The following PCYOX1 variants were observed in gnomAD, a reference collection of about 807,000 sequenced individuals.
PCYOX1 encodes prenylcysteine lyase.
In PCYOX1, 46 loss-of-function variants were observed where a neutral mutation model predicts 46.4. The ratio of observed to expected loss-of-function variants is 0.99; its 90% CI spans 0.78 to 1.27. PCYOX1 has a LOEUF of 1.27. Ranked by LOEUF, PCYOX1 falls within the 50% of genes most tolerant of loss-of-function variation. PCYOX1 has a pLI of 0.00. For missense variants in PCYOX1, 658 were observed against 628.3 expected, an observed-to-expected ratio of 1.05 and a Z score of -0.51; for synonymous variants, 220 against 231.8, an observed-to-expected ratio of 0.95 and a Z score of 0.46.
intron 1 of PCYOX1, 142 bp downstream of exon 1, chr2:70,258,418 C>T (rs926042232): frequency 7.7e-6 from 4 of 518,136 alleles, no homozygotes; most frequent in Non-Finnish European, 1.3e-5. Context: ...CGCTTTCCCC[C>T]ATTCACACTT....
Position 70,280,297 on chromosome 2 carries a change from T to C in PCYOX1, c.*2905T>C, listed in dbSNP as rs1696753700. On this transcript the variant is annotated 3_prime_UTR_variant, in exon 6 of 6. Transcript: ENST00000433351. ...TGCTACTCTGGGCGCATTAGGTAGT[T>C]TTATGCAACTATAGTATTAAGAGTT... The C allele has an allele frequency of 6.6e-6, 1 of 152,116 alleles. No homozygotes were observed. Among genetic ancestry groups the C allele is most frequent in the Non-Finnish European group, 1.5e-5 (1 of 68,002 alleles). 9.4% of individuals were successfully genotyped at this position (152,116 alleles called of 1,614,324 possible). A position where few individuals can be genotyped will look rare whatever the true frequency, so the allele number is the denominator to read the frequency against.
At chr2:70,269,751 G>T (rs1696576019) in intron 3 of PCYOX1, among the ~76,000 whole-genome samples, 1 of 152,092 alleles carries the variant, frequency 6.6e-6, no homozygotes, top group Admixed American at 6.6e-5. Context: ...GTGGACACGT[G>T]CCCTCAGGAT....
In PCYOX1 at chr2:70,277,394, GT is replaced by G. The variant is rs1167184574; in HGVS notation, c.*3del. 6.3e-7 allele frequency: 1 copy of G among 1,580,306 alleles called. No individual in the cohort carries two copies. The highest frequency in any genetic ancestry group is 1.7e-5 in the Admixed American group (1 of 57,154). The stretch of plus-strand genomic sequence containing the variant: ...GAGAAACTTAAAACTGAACTATGAA[GT>G]GACACACTCCTTTTTCCCCTCCTAG... On this transcript the variant is annotated 3_prime_UTR_variant, in exon 6 of 6. Transcript: ENST00000433351.
intron 1 of PCYOX1, 31 bp downstream of exon 1, chr2:70,258,307 G>T: frequency 3.5e-6 from 5 of 1,414,608 alleles, no homozygotes; most frequent in Non-Finnish European, 4.7e-6. Flanking sequence ...GCGGGAAGGT[G>T]CTGGAGCGCG....
chr2:70,259,280 T>C, intron 1 of PCYOX1, 80 bp from the exon 2 acceptor site: 11 of 1,273,412 alleles, frequency 8.6e-6, no homozygotes, highest in South Asian at 8.6e-5. Flanking sequence ...ACCTCTGCTA[T>C]TGATGGTCTT....
rs1696719211 is a variant in PCYOX1, at chr2:70,278,632, A to G, written c.*1240A>G. The G allele has an allele frequency of 6.6e-6, 1 of 152,212 alleles. No individual in the cohort carries two copies. Among genetic ancestry groups the G allele is most frequent in the Non-Finnish European group, 1.5e-5 (1 of 68,040 alleles). 9.4% of individuals were successfully genotyped at this position (152,212 alleles called of 1,614,324 possible). ...AGTTAAGTGTTTCATTTACTGTAGC[A>G]TTCTGGGTGAGAAATTGGTTGCTGA... On this transcript the variant is annotated 3_prime_UTR_variant, in exon 6 of 6. Coordinates refer to ENST00000433351, the MANE Select transcript of PCYOX1 (RefSeq NM_016297.4).
chr2:70,266,365 C>T (rs1696523543), intron 3 of PCYOX1, among the ~76,000 whole-genome samples: 1 of 152,076 alleles, frequency 6.6e-6, no homozygotes, highest in Non-Finnish European at 1.5e-5. Context: ...AGTCTTCCCT[C>T]AGAGCTTCTA....
At chr2:70,274,069 C>T (rs190209983) in intron 3 of PCYOX1, among the ~76,000 whole-genome samples, 10 of 152,228 alleles carry the variant, frequency 6.6e-5, no homozygotes, top group African/African-American at 2.2e-4. Context: ...ATTTAGAGAC[C>T]AGTGAATGGG....
chr2:70,272,506 CCTGT>C (rs1415498067), intron 3 of PCYOX1, among the ~76,000 whole-genome samples: 2 of 151,956 alleles, frequency 1.3e-5, no homozygotes, highest in Non-Finnish European at 2.9e-5. Flanking sequence ...AAGGTATCCT[CCTGT>C]CTTACTCTGT....
intron 3 of PCYOX1, among the ~76,000 whole-genome samples, chr2:70,269,971 A>G (rs142430266): frequency 7.2e-4 from 108 of 150,132 alleles, no homozygotes; most frequent in African/African-American, 2.5e-3. Flanking sequence ...TTTATTTTTT[A>G]TTTTTTTTTC....
chr2:70,273,015 C>A (rs564332847), intron 3 of PCYOX1, among the ~76,000 whole-genome samples: 1 of 152,024 alleles, frequency 6.6e-6, no homozygotes, highest in African/African-American at 2.4e-5. Context: ...TATTCTAATA[C>A]GATTAGTTGT....
chr2:70,257,972 G>C (rs557423634), upstream of PCYOX1: 3 of 453,998 alleles, frequency 6.6e-6, no homozygotes, highest in South Asian at 6.8e-5. Context: ...TTAGGGCACT[G>C]AGTGGCCCAG....
intron 2 of PCYOX1, among the ~76,000 whole-genome samples, chr2:70,259,942 A>T (rs1696413342): frequency 6.6e-6 from 1 of 151,928 alleles, no homozygotes; most frequent in Non-Finnish European, 1.5e-5. Flanking sequence ...TAGCCTCCTG[A>T]GTAGCTGGGA....
At chr2:70,274,446 T>C (rs1422495158) in intron 3 of PCYOX1, among the ~76,000 whole-genome samples, 1 of 152,018 alleles carries the variant, frequency 6.6e-6, no homozygotes, top group Non-Finnish European at 1.5e-5. Context: ...TCTGCCTGCC[T>C]TGGCCTTCCA....
At chr2:70,265,651 G>A (rs1367616088) in intron 3 of PCYOX1, among the ~76,000 whole-genome samples, 1 of 152,198 alleles carries the variant, frequency 6.6e-6, no homozygotes, top group Non-Finnish European at 1.5e-5. Context: ...TAACTAGAAT[G>A]TAGTAGATGT....
At chr2:70,269,632 C>T (rs944838217) in intron 3 of PCYOX1, among the ~76,000 whole-genome samples, 5 of 151,758 alleles carry the variant, frequency 3.3e-5, no homozygotes, top group Non-Finnish European at 5.9e-5. Flanking sequence ...CCACTGCACC[C>T]GGCCTTTTTT....
At chr2:70,273,755 A>C (rs1418532134) in intron 3 of PCYOX1, among the ~76,000 whole-genome samples, 1 of 152,224 alleles carries the variant, frequency 6.6e-6, no homozygotes, top group Non-Finnish European at 1.5e-5. Flanking sequence ...ATTTATGTGA[A>C]TGTTGTTTTA....
Position 70,261,343 on chromosome 2 carries a change from C to G in PCYOX1, c.451C>G (p.Arg151Gly), listed in dbSNP as rs766871288. The G allele has an allele frequency of 6.2e-7, 1 of 1,612,900 alleles. No individual in the cohort carries two copies. Among genetic ancestry groups the G allele is most frequent in the East Asian group, 2.2e-5 (1 of 44,876 alleles). ...TTGGCGCTATGGATTTCAATCCCTC[C>G]GTATGCACATGTGGGTAGAGGACGT... Reference protein sequence around the residue: ...LVWRYGFQSLRMHMWVEDVLD... With the variant: ...LVWRYGFQSLGMHMWVEDVLD... Residue 151 changes from arginine to glycine, a missense_variant, in exon 3 of 6, where the codon CGT (arginine) becomes GGT (glycine). Transcript: ENST00000433351.
Position 70,277,069 on chromosome 2 carries a change from A to G in PCYOX1, c.1195A>G (p.Thr399Ala), listed in dbSNP as rs762046573. 2 of 1,612,876 alleles carry G rather than the reference A, an allele frequency of 1.2e-6. No individual in the cohort carries two copies. Among genetic ancestry groups the G allele is most frequent in the South Asian group, 2.2e-5 (2 of 91,068 alleles). ...VREKEDPEPS[T>A]DGTYVWKIFS... ...AGAAAAGGAAGATCCTGAGCCATCA[A>G]CAGATGGAACATATGTTTGGAAGAT... The change falls in exon 6 of 6, where the codon ACA becomes GCA. Residue 399 changes from threonine to alanine, a missense_variant. By Grantham distance (58) the Thr-to-Ala change is moderately conservative (BLOSUM62 0). Transcript: ENST00000433351.
Sources: allele counts gnomAD v4.1 joint callset (sites outside exome capture counted in the v4.1 genomes callset), GRCh38; gene constraint gnomAD v4.1.1; transcripts MANE v1.5; gene names NCBI Gene and HGNC (gene_info 2026-07-23, HGNC 2026-07-21).